The following PIK3R1 variants were observed in gnomAD, a reference collection of about 807,000 sequenced individuals.
The protein encoded by PIK3R1 is phosphoinositide-3-kinase regulatory subunit 1.
In PIK3R1, 29 loss-of-function variants were observed where a neutral mutation model predicts 98.0. The ratio of observed to expected loss-of-function variants is 0.30; its 90% CI spans 0.22 to 0.40. The LOEUF is 0.40. Ranked by LOEUF, PIK3R1 falls within the 10% of genes least tolerant of loss-of-function variation. PIK3R1 has a pLI of 1.00. For missense variants in PIK3R1, 596 were observed against 872.7 expected (o/e 0.68, Z 3.99); for synonymous variants, 282 against 311.8 (o/e 0.90, Z 1.01).
chr5:68,223,046 A>G (rs930273367), intron 1 of PIK3R1, among the ~76,000 whole-genome samples: 3 of 151,402 alleles, frequency 2.0e-5, no homozygotes, highest in Non-Finnish European at 2.9e-5. Flanking sequence ...CTATATATAT[A>G]TGACTGTATA....
At chr5:68,279,535 G>C in intron 4 of PIK3R1, 67 bp from the exon 5 acceptor site, 1 of 1,277,582 alleles carries the variant, frequency 7.8e-7, no homozygotes, top group Non-Finnish European at 1.1e-6. Context: ...AAATTGTTCA[G>C]AAAATTAGCC....
At chr5:68,232,303 A>T (rs1037122625) in intron 2 of PIK3R1, among the ~76,000 whole-genome samples, 1 of 152,206 alleles carries the variant, frequency 6.6e-6, no homozygotes, top group Non-Finnish European at 1.5e-5. Context: ...AAAAATGTGT[A>T]AGAGAAAGGA....
chr5:68,269,861 T>C (rs1189898923), intron 2 of PIK3R1, among the ~76,000 whole-genome samples: 1 of 147,842 alleles, frequency 6.8e-6, no homozygotes, highest in Non-Finnish European at 1.5e-5. Flanking sequence ...TACTAAGGAA[T>C]AGAAAATCTT....
At chr5:68,243,179 T>G (rs1282981995) in intron 2 of PIK3R1, among the ~76,000 whole-genome samples, 1 of 112,844 alleles carries the variant, frequency 8.9e-6, no homozygotes, top group Non-Finnish European at 1.8e-5. Flanking sequence ...GCTTCTGTAT[T>G]ATGTGAAACA....
chr5:68,284,810 T>G (rs1428541099), intron 7 of PIK3R1, among the ~76,000 whole-genome samples: 1 of 152,172 alleles, frequency 6.6e-6, no homozygotes, highest in South Asian at 2.1e-4. Flanking sequence ...TTTCAAAGAA[T>G]AGTAATACAT....
At chr5:68,285,560 T>C (rs1052902907) in intron 7 of PIK3R1, among the ~76,000 whole-genome samples, 5 of 152,178 alleles carry the variant, frequency 3.3e-5, no homozygotes, top group Non-Finnish European at 7.4e-5. Context: ...CAAACAATAG[T>C]TTTATTTGTG....
At chr5:68,227,885 T>C (rs1161579992) in intron 2 of PIK3R1, among the ~76,000 whole-genome samples, 1 of 152,212 alleles carries the variant, frequency 6.6e-6, no homozygotes, top group African/African-American at 2.4e-5. Context: ...AAAAACCACT[T>C]ATTGCTTATT....
chr5:68,220,897 G>A (rs1744069674), intron 1 of PIK3R1, among the ~76,000 whole-genome samples: 1 of 152,164 alleles, frequency 6.6e-6, no homozygotes, highest in Non-Finnish European at 1.5e-5. Context: ...AATTTATTAT[G>A]TTTACTAGGT....
intron 1 of PIK3R1, among the ~76,000 whole-genome samples, chr5:68,223,879 A>T (rs895046751): frequency 1.3e-5 from 2 of 152,220 alleles, no homozygotes; most frequent in East Asian, 1.9e-4. Flanking sequence ...GTAAGCTGTG[A>T]GCAGGGGCTT....
In PIK3R1 at chr5:68,297,424, A is replaced by G; in HGVS notation, c.1998A>G (p.Glu666=). ...CYACSVVVDG[E]VKHCVINKTA... is the part of the protein sequence containing the mutation. ...CTCTCCTCTCTAGGGTGGACGGCGA[A>G]GTAAAGCATTGTGTCATAAACAAAA... The change falls in exon 16 of 16, where the codon GAA becomes GAG. Residue 666 remains glutamate, a synonymous_variant. Transcript: ENST00000521381. 6.2e-7 allele frequency: 1 copy of G among 1,613,616 alleles called. No homozygotes were observed. The highest frequency in any genetic ancestry group is 8.5e-7 in the Non-Finnish European group (1 of 1,179,680).
intron 2 of PIK3R1, among the ~76,000 whole-genome samples, chr5:68,252,156 G>A (rs773319297): frequency 6.6e-6 from 1 of 152,142 alleles, no homozygotes; most frequent in African/African-American, 2.4e-5. Flanking sequence ...TTTAGACTAA[G>A]GGCCGCATTG....
At chr5:68,262,540 A>G (rs1318306609) in intron 2 of PIK3R1, among the ~76,000 whole-genome samples, 4 of 71,778 alleles carry the variant, frequency 5.6e-5, no homozygotes, top group Non-Finnish European at 1.1e-4. Flanking sequence ...CTATATAGAT[A>G]CATATCTAAT....
At chr5:68,276,151 C>T (rs774989214) in intron 4 of PIK3R1, among the ~76,000 whole-genome samples, 14 of 152,172 alleles carry the variant, frequency 9.2e-5, no homozygotes, top group Non-Finnish European at 1.9e-4. Flanking sequence ...TTCAGATTTT[C>T]ACCTGACAGT....
chr5:68,279,832 G>A, intron 5 of PIK3R1, 99 bp downstream of exon 5: 2 of 1,199,432 alleles, frequency 1.7e-6, no homozygotes, highest in African/African-American at 1.5e-5. Flanking sequence ...TTAGAAAATA[G>A]TAGTAATAAC....
At chr5:68,238,365 A>C (rs1017233968) in intron 2 of PIK3R1, among the ~76,000 whole-genome samples, 4 of 152,204 alleles carry the variant, frequency 2.6e-5, no homozygotes, top group Non-Finnish European at 2.9e-5. Context: ...TCCATCTATA[A>C]AAGAAAAAGG....
intron 7 of PIK3R1, chr5:68,290,728 A>G (rs1336270803): frequency 4.4e-6 from 7 of 1,603,682 alleles, no homozygotes; most frequent in Non-Finnish European, 6.0e-6. Flanking sequence ...CTCTTGCACA[A>G]ATGTACAATA....
In PIK3R1 at chr5:68,273,471, T is replaced by C. The variant is rs1561285040; in HGVS notation, c.416T>C (p.Ile139Thr). Reference sequence around the variant, plus strand: ...CTTCTTATCAAGCTCGTGGAAGCCATTGAAAAGAAAGGTAACCAGACTGCT... The same window carrying C: ...CTTCTTATCAAGCTCGTGGAAGCCACTGAAAAGAAAGGTAACCAGACTGCT... ...PPLLIKLVEA[I>T]EKKGLECSTL... is the part of the protein sequence containing the mutation. Residue 139 changes from isoleucine (I) to threonine (T), a missense_variant, in exon 3 of 16, where the codon ATT becomes ACT. Physicochemically the swap from Ile to Thr is moderately conservative, Grantham distance 89. Coordinates refer to ENST00000521381, the MANE Select transcript of PIK3R1 (RefSeq NM_181523.3). 6.2e-7 allele frequency: 1 copy of C among 1,613,914 alleles called. No individual in the cohort carries two copies. Among genetic ancestry groups the C allele is most frequent in the Admixed American group, 1.7e-5 (1 of 60,012 alleles).
rs1057523351 is a variant in PIK3R1, at chr5:68,295,491, A to G, written c.1814+3A>G. The G allele has an allele frequency of 1.2e-6, 2 of 1,612,638 alleles. No homozygotes were observed. The highest frequency in any genetic ancestry group is 1.3e-5 in the African/African-American group (1 of 75,024). ...TTGGGCAATGAAAACACTGAAGAGTAAGTAGTTACTAAAGATGGTGATAGC... is the reference window on the plus strand; with the variant it reads ...TTGGGCAATGAAAACACTGAAGAGTGAGTAGTTACTAAAGATGGTGATAGC... On this transcript the variant is annotated splice_donor_region_variant and intron_variant, in intron 14 of 15. Coordinates refer to ENST00000521381, the MANE Select transcript of PIK3R1 (RefSeq NM_181523.3).
intron 4 of PIK3R1, among the ~76,000 whole-genome samples, 158 bp from the exon 5 acceptor site, chr5:68,279,444 T>G (rs1230883987): frequency 6.6e-6 from 1 of 151,952 alleles, no homozygotes; most frequent in African/African-American, 2.4e-5. Context: ...CTACAAGAAG[T>G]ACGGCTAACG....
Sources: gnomAD v4.1 joint callset for allele counts (sites outside exome capture counted in the v4.1 genomes callset) on GRCh38, gnomAD v4.1.1 for gene constraint, MANE v1.5 for transcripts, NCBI Gene and HGNC (gene_info 2026-07-23, HGNC 2026-07-21) for gene names.